CLK1: variants seen among roughly 807,000 people sequenced by gnomAD.
CLK1 encodes CDC like kinase 1.
Under a neutral mutation model 60.9 loss-of-function variants are expected in CLK1, and 40 were observed. The observed-to-expected ratio is 0.66, with a 90% CI of 0.51 to 0.86. The LOEUF (loss-of-function observed/expected upper bound fraction) is 0.86. Ranked by LOEUF, CLK1 falls within the 40% of genes least tolerant of loss-of-function variation. The pLI is 0.00. For missense variants in CLK1, 563 were observed against 606.1 expected, an observed-to-expected ratio of 0.93 and a Z score of 0.75; for synonymous variants, 203 against 184.4, an observed-to-expected ratio of 1.10 and a Z score of -0.82.
chr2:200,856,993 T>A lies in CLK1; in HGVS notation c.833-8A>T. The A allele has an allele frequency of 6.2e-7, 1 of 1,610,284 alleles. No individual in the cohort carries two copies. Among genetic ancestry groups the A allele is most frequent in the Non-Finnish European group, 8.5e-7 (1 of 1,177,144 alleles). ...ACTTATTACTGTGCAAAACTGAGAA[T>A]AAAGAGAAAGTTGCTGTAATCAGAA... On this transcript the variant is annotated splice_polypyrimidine_tract_variant and splice_region_variant and intron_variant, in intron 7 of 12. Transcript: ENST00000321356.
chr2:200,854,512 G>C (rs1430656634), intron 11 of CLK1, 104 bp downstream of exon 11: 3 of 704,590 alleles, frequency 4.3e-6, no homozygotes, highest in African/African-American at 1.8e-5. Context: ...CTCCAGCCTG[G>C]GCAACAGAGC....
At chr2:200,864,404 G>A in intron 1 of CLK1, 160 bp downstream of exon 1, 1 of 806,508 alleles carries the variant, frequency 1.2e-6, no homozygotes, top group Non-Finnish European at 1.8e-6. Context: ...CAGGAAAGAG[G>A]GGCGCGCCGC....
intron 10 of CLK1, 96 bp downstream of exon 10, chr2:200,854,908 T>C: frequency 1.1e-6 from 1 of 916,210 alleles, no homozygotes; most frequent in South Asian, 1.6e-5. Context: ...TTATCTACAA[T>C]TAATAGTCTA....
At chr2:200,864,087 C>T in intron 1 of CLK1, 1 of 1,547,386 alleles carries the variant, frequency 6.5e-7, no homozygotes, top group Non-Finnish European at 8.7e-7. Flanking sequence ...GGTTCCGTCT[C>T]TTTCTCCACT....
rs1428483394 is a variant in CLK1 at position 200,861,816 on chromosome 2, T to A, written c.47A>T (p.Asp16Val). 6.2e-7 allele frequency: 1 copy of A among 1,614,078 alleles called. No individual in the cohort carries two copies. The highest frequency in any genetic ancestry group is 1.7e-5 in the Admixed American group (1 of 60,014). Residue 16 changes from aspartate (D) to valine (V), a missense_variant, in exon 2 of 13, where the codon GAT becomes GTT. Coordinates refer to ENST00000321356, the MANE Select transcript of CLK1 (RefSeq NM_004071.4). ...GCTCCTCCATTTTCCATAATCCCAA[T>A]CCTTGTCATCCCAATCAGGACAGTA... ...RTYCPDWDDK[D>V]WDYGKWRSSS...
chr2:200,853,836 C>A, intron 12 of CLK1, 67 bp downstream of exon 12: 1 of 1,264,662 alleles, frequency 7.9e-7, no homozygotes. Context: ...CGAAGCAAGG[C>A]TCGGTCTCAA....
chr2:200,862,348 ATT>A (rs2039153045), intron 1 of CLK1, among the ~76,000 whole-genome samples: 1 of 152,194 alleles, frequency 6.6e-6, no homozygotes, highest in Non-Finnish European at 1.5e-5. Flanking sequence ...CACCATTGTG[ATT>A]TATTTCTGCC....
Position 200,853,292 on chromosome 2 carries a change from G to A in CLK1, c.*14C>T, listed in dbSNP as rs779145514. On this transcript the variant is annotated 3_prime_UTR_variant, in exon 13 of 13. Coordinates refer to ENST00000321356, the MANE Select transcript of CLK1 (RefSeq NM_004071.4). ...TCTGTAAGATCTCTTCGAGAGAGCT[G>A]TCCAATTACAGATCTATATACTTTT... 1 of 1,592,170 alleles carries A rather than the reference G, an allele frequency of 6.3e-7. No individual in the cohort carries two copies. The highest frequency in any genetic ancestry group is 8.5e-7 in the Non-Finnish European group (1 of 1,170,096).
At chr2:200,856,575 T>G in intron 9 of CLK1, 107 bp downstream of exon 9, 3 of 877,968 alleles carry the variant, frequency 3.4e-6, no homozygotes. Flanking sequence ...TACTTATCCC[T>G]TAAAGAGAAT....
chr2:200,857,482 A>G (rs2039062992), intron 7 of CLK1: 1 of 373,196 alleles, frequency 2.7e-6, no homozygotes, highest in South Asian at 5.9e-5. Context: ...ATTTTTGCGC[A>G]TCAGAAAAGT....
chr2:200,860,424 G>T, intron 3 of CLK1: 1 of 1,279,518 alleles, frequency 7.8e-7, no homozygotes, highest in Non-Finnish European at 9.9e-7. Context: ...GAAAAACATG[G>T]CAAGGAACAG....
rs369868506 is a variant in CLK1, at chr2:200,861,499, T to A, written c.162-33A>T. 6.5e-5 allele frequency: 104 copies of A among 1,605,964 alleles called. 1 individual carries two copies. The highest frequency in any genetic ancestry group is 3.3e-4 in the Middle Eastern group (2 of 6,044). ...AATAAAAATTATTTTCAATGTTTTA[T>A]GCTAAGACCAAATATCCTCACATTC... On this transcript the variant is annotated intron_variant, in intron 2 of 12. Coordinates refer to ENST00000321356, the MANE Select transcript of CLK1 (RefSeq NM_004071.4).
rs1360332043 is a variant in CLK1, at chr2:200,856,916, T to C, written c.902A>G (p.Tyr301Cys). ...PENILFVQSD[Y>C]TEAYNPKIKR... ...TATTTTGGGATTATACGCCTCTGTG[T>C]AGTCAGACTGCACAAATAAGATGTT... Residue 301 changes from tyrosine (Y) to cysteine (C), a missense_variant, in exon 8 of 13, where the codon TAC becomes TGC. Around this residue, in one of 3 missense-constraint regions of CLK1, gnomAD observed 360 missense variants for 407.0 expected, o/e 0.88. Transcript: ENST00000321356. The C allele has an allele frequency of 6.2e-7, 1 of 1,613,892 alleles. No individual in the cohort carries two copies. Among genetic ancestry groups the C allele is most frequent in the African/African-American group, 1.3e-5 (1 of 74,930 alleles).
intron 1 of CLK1, chr2:200,864,348 T>G: frequency 7.8e-7 from 1 of 1,279,474 alleles, no homozygotes; most frequent in Non-Finnish European, 1.0e-6. Context: ...GCAAACACCG[T>G]AACTACCCCC....
At chr2:200,856,180 T>TCTC (rs1184174653) in intron 9 of CLK1, among the ~76,000 whole-genome samples, 11 of 151,656 alleles carry the variant, frequency 7.3e-5, no homozygotes, top group Admixed American at 7.2e-4. Context: ...TTCAAGCAAT[T>TCTC]CTGCCTCAGC....
In CLK1 at chr2:200,857,787, T is replaced by A; in HGVS notation, c.763A>T (p.Asn255Tyr). The change falls in exon 7 of 13, where the codon AAT becomes TAT. Residue 255 changes from asparagine to tyrosine, a missense_variant. Coordinates refer to ENST00000321356, the MANE Select transcript of CLK1 (RefSeq NM_004071.4). ...TCCAGTCGAAATGGTAGAAAACCAT[T>A]TTCTTTAATGAAGTCGTAAGTACTA... ...GLSTYDFIKE[N>Y]GFLPFRLDHI... is the part of the protein sequence containing the mutation. 6.2e-7 allele frequency: 1 copy of A among 1,613,522 alleles called. No individual in the cohort carries two copies. The highest frequency in any genetic ancestry group is 1.3e-5 in the African/African-American group (1 of 75,024).
At chr2:200,861,901 C>T (rs779766815) in intron 1 of CLK1, 39 bp from the exon 2 acceptor site, 1 of 1,575,148 alleles carries the variant, frequency 6.3e-7, no homozygotes. Context: ...AAATTGTACC[C>T]CACACTGAGC....
chr2:200,853,645 AG>A (rs2038984667), intron 12 of CLK1, among the ~76,000 whole-genome samples, 196 bp from the exon 13 acceptor site: 1 of 142,258 alleles, frequency 7.0e-6, no homozygotes, highest in African/African-American at 2.6e-5. Flanking sequence ...GTTCAAGACC[AG>A]CCAGGCCAAC....
At chr2:200,862,737 A>T (rs2039161444) in intron 1 of CLK1, among the ~76,000 whole-genome samples, 1 of 152,248 alleles carries the variant, frequency 6.6e-6, no homozygotes, top group Non-Finnish European at 1.5e-5. Context: ...AAATGCAATC[A>T]TAAATGTTCC....
Sources: allele counts gnomAD v4.1 joint callset (sites outside exome capture counted in the v4.1 genomes callset), GRCh38; gene constraint gnomAD v4.1.1; regional missense constraint gnomAD v4.1.1; transcripts MANE v1.5; gene names NCBI Gene and HGNC (gene_info 2026-07-23, HGNC 2026-07-21).